VAC14: variants seen among roughly 807,000 people sequenced by gnomAD.
The protein encoded by VAC14 is protein VAC14 homolog.
A neutral mutation model predicts 85.3 loss-of-function variants in VAC14; 47 were observed. That is an observed-to-expected ratio of 0.55 (90% CI 0.44 to 0.70). The LOEUF is 0.70. Ranked by LOEUF, VAC14 falls within the 30% of genes least tolerant of loss-of-function variation. VAC14 has a pLI of 0.00. For missense variants in VAC14, 861 were observed against 1,004.3 expected (o/e 0.86, Z 1.93); for synonymous variants, 447 against 430.5 (o/e 1.04, Z -0.47).
intron 14 of VAC14, 150 bp downstream of exon 14, chr16:70,731,345 C>T (rs1393438623): frequency 2.7e-6 from 4 of 1,486,882 alleles, no homozygotes; most frequent in Non-Finnish European, 3.6e-6. Context: ...TATGAAGGGG[C>T]AACCTTCTTC....
chr16:70,723,509 T>C (rs781698795), intron 14 of VAC14, among the ~76,000 whole-genome samples: 1 of 152,242 alleles, frequency 6.6e-6, no homozygotes, highest in Non-Finnish European at 1.5e-5. Flanking sequence ...CATTAGCTAC[T>C]TGTTAATTAA....
intron 18 of VAC14, 200 bp from the exon 19 acceptor site, chr16:70,688,290 T>C: frequency 2.4e-6 from 3 of 1,226,590 alleles, no homozygotes; most frequent in Non-Finnish European, 3.1e-6. Context: ...CCGCAGTTGG[T>C]GGGAACAGCT....
chr16:70,788,565 T>A (rs145627621), intron 1 of VAC14, among the ~76,000 whole-genome samples: 1 of 152,140 alleles, frequency 6.6e-6, no homozygotes, highest in Non-Finnish European at 1.5e-5. Context: ...TGGTTCTACA[T>A]CAACTTGTTT....
chr16:70,770,919 G>A (rs1375654303), intron 10 of VAC14: 2 of 152,232 alleles, frequency 1.3e-5, no homozygotes, highest in Non-Finnish European at 2.9e-5. Flanking sequence ...ATGAGGATAA[G>A]TTCACAAATG....
chr16:70,737,585 G>A (rs1309973147), intron 13 of VAC14, among the ~76,000 whole-genome samples: 1 of 152,204 alleles, frequency 6.6e-6, no homozygotes, highest in African/African-American at 2.4e-5. Context: ...GGCAGGAAGT[G>A]CACGTGACCG....
intron 7 of VAC14, 28 bp from the exon 8 acceptor site, chr16:70,782,031 G>T: frequency 6.2e-7 from 1 of 1,608,656 alleles, no homozygotes; most frequent in South Asian, 1.1e-5. Context: ...GGGTTCAGAG[G>T]GGCCAGCACA....
intron 14 of VAC14, chr16:70,715,897 T>C (rs568152074): frequency 6.6e-6 from 1 of 152,380 alleles, no homozygotes; most frequent in East Asian, 1.9e-4. Context: ...CCCACCCCCT[T>C]GTTTTTCCTC....
At chr16:70,739,786 A>C (rs1489821086) in intron 13 of VAC14, among the ~76,000 whole-genome samples, 2 of 152,156 alleles carry the variant, frequency 1.3e-5, no homozygotes, top group Admixed American at 6.5e-5. Context: ...TTCTGCTAGA[A>C]CTTGTTTCTG....
Position 70,780,807 on chromosome 16 carries a change from T to C in VAC14, c.1079A>G (p.Gln360Arg). The change falls in exon 9 of 19, where the codon CAG (glutamine) becomes CGG (arginine). Residue 360 changes from glutamine (Q) to arginine (R), a missense_variant. Physicochemically the swap from Gln to Arg is conservative, Grantham distance 43. Transcript: ENST00000261776. ...EPTPDDALPK[Q>R]EGTASGGPDG... is the part of the protein sequence containing the mutation. ...CCACTCACCACTGGCTGTGCCCTCC[T>C]GCTTTGGCAGGGCATCGTCAGGGGT... The C allele has an allele frequency of 6.2e-7, 1 of 1,606,544 alleles. No individual in the cohort carries two copies. Among genetic ancestry groups the C allele is most frequent in the South Asian group, 1.1e-5 (1 of 90,302 alleles).
At chr16:70,792,609 A>T (rs573108865) in intron 1 of VAC14, among the ~76,000 whole-genome samples, 1 of 152,306 alleles carries the variant, frequency 6.6e-6, no homozygotes, top group South Asian at 2.1e-4. Context: ...GGGGGCCAAC[A>T]TCATGCTCTT....
intron 18 of VAC14, chr16:70,688,930 T>C: frequency 1.0e-6 from 1 of 985,516 alleles, no homozygotes; most frequent in Non-Finnish European, 1.2e-6. Flanking sequence ...CAGATCCATG[T>C]GGGCTAGGAA....
intron 7 of VAC14, among the ~76,000 whole-genome samples, chr16:70,782,205 G>C (rs976933959): frequency 1.3e-5 from 2 of 152,338 alleles, no homozygotes; most frequent in African/African-American, 4.8e-5. Flanking sequence ...ACAATCCTGT[G>C]CTAGACTGTA....
At chr16:70,792,575 T>C (rs1285981477) in intron 1 of VAC14, among the ~76,000 whole-genome samples, 17 of 152,122 alleles carry the variant, frequency 1.1e-4, no homozygotes, top group Non-Finnish European at 4.4e-5. Context: ...GAACACCCAT[T>C]CCCCAGAAGA....
intron 1 of VAC14, among the ~76,000 whole-genome samples, chr16:70,797,772 T>C (rs1446750532): frequency 1.3e-5 from 2 of 152,250 alleles, no homozygotes; most frequent in South Asian, 2.1e-4. Flanking sequence ...GTTCTTGTGA[T>C]AGTGAGTTCT....
chr16:70,687,806 G>GC lies in VAC14; in HGVS notation c.*121dup. 8.8e-7 allele frequency: 1 copy of GC among 1,134,480 alleles called. No homozygotes were observed. Among genetic ancestry groups the GC allele is most frequent in the Admixed American group, 4.0e-5 (1 of 25,116 alleles). 70.3% of individuals were successfully genotyped at this position (1,134,480 alleles called of 1,614,324 possible). A position where few individuals can be genotyped will look rare whatever the true frequency, so the allele number is the denominator to read the frequency against. The stretch of plus-strand genomic sequence containing the variant: ...CACAGCAGCCTCCGGCCCCAACACT[G>GC]CCCTGGGTTGGCAGGCCCAGCCCTG... On this transcript the variant is annotated 3_prime_UTR_variant, in exon 19 of 19. Coordinates refer to ENST00000261776, the MANE Select transcript of VAC14 (RefSeq NM_018052.5).
chr16:70,766,704 G>C (rs2032843476), intron 10 of VAC14: 1 of 344,106 alleles, frequency 2.9e-6, no homozygotes, highest in South Asian at 2.2e-5. Context: ...CCTGGCTGGA[G>C]GTGGAGGTCA....
chr16:70,780,749 C>A (rs758641301), intron 9 of VAC14, 41 bp downstream of exon 9: 3 of 1,531,186 alleles, frequency 2.0e-6, no homozygotes, highest in Admixed American at 2.0e-5. Context: ...GCTCCCTGGG[C>A]CCCCGACAGG....
chr16:70,756,205 G>A, intron 12 of VAC14: 1 of 392,896 alleles, frequency 2.5e-6, no homozygotes, highest in Non-Finnish European at 5.1e-6. Flanking sequence ...CCTCACCCCA[G>A]CTCTGCTCTG....
At chr16:70,782,961 A>G (rs1312558491) in intron 7 of VAC14, 72 bp downstream of exon 7, 7 of 1,368,436 alleles carry the variant, frequency 5.1e-6, no homozygotes, top group African/African-American at 1.4e-5. Flanking sequence ...AGATGGTGAA[A>G]GGGGCTTCTG....
Sources: gnomAD v4.1 joint callset for allele counts (sites outside exome capture counted in the v4.1 genomes callset) on GRCh38, gnomAD v4.1.1 for gene constraint, MANE v1.5 for transcripts, NCBI Gene and HGNC (gene_info 2026-07-23, HGNC 2026-07-21) for gene names.